The following STAB2 variants were observed in gnomAD, a reference collection of about 807,000 sequenced individuals.
The protein encoded by STAB2 is stabilin-2.
In STAB2, 288 loss-of-function variants were observed where a neutral mutation model predicts 338.1. The ratio of observed to expected loss-of-function variants is 0.85; its 90% CI spans 0.77 to 0.94. The LOEUF is 0.94. Among genes scored for constraint, STAB2 ranks in the 40% least tolerant of loss-of-function variants. STAB2 has a pLI of 0.00. For missense variants in STAB2, 3,141 were observed against 3,210.1 expected (o/e 0.98, Z 0.52); for synonymous variants, 1,202 against 1,193.3 (o/e 1.01, Z -0.15).
chr12:103,654,486 C>T (rs1444435192), intron 12 of STAB2, 69 bp from the exon 13 acceptor site: 1 of 1,494,154 alleles, frequency 6.7e-7, no homozygotes, highest in East Asian at 2.4e-5. Context: ...AGACTTCTGA[C>T]TCTACTCCAG....
At chr12:103,667,721 T>TA (rs1295058441) in intron 19 of STAB2, among the ~76,000 whole-genome samples, 3 of 152,192 alleles carry the variant, frequency 2.0e-5, no homozygotes, top group African/African-American at 7.2e-5. Context: ...ATTTTAGGAT[T>TA]TTATAGCCTA....
chr12:103,743,749 G>A (rs1882776642), intron 56 of STAB2, among the ~76,000 whole-genome samples: 1 of 152,186 alleles, frequency 6.6e-6, no homozygotes, highest in African/African-American at 2.4e-5. Flanking sequence ...CTTTCCTCCA[G>A]GTGAGATGAG....
chr12:103,694,329 A>C (rs756966458), intron 31 of STAB2, among the ~76,000 whole-genome samples: 1 of 152,120 alleles, frequency 6.6e-6, no homozygotes, highest in Admixed American at 6.5e-5. Flanking sequence ...CCTTCTCCTC[A>C]TAGCTCTTGA....
chr12:103,762,170 A>T (rs1427362654), intron 66 of STAB2, 104 bp from the exon 67 acceptor site: 1 of 1,497,700 alleles, frequency 6.7e-7, no homozygotes, highest in East Asian at 2.3e-5. Flanking sequence ...ACATGTCAGT[A>T]TTTTTATCCC....
chr12:103,766,612 A>T lies in STAB2; in HGVS notation c.*276A>T, dbSNP rs1884983678. On this transcript the variant is annotated 3_prime_UTR_variant, in exon 69 of 69. Coordinates refer to ENST00000388887, the MANE Select transcript of STAB2 (RefSeq NM_017564.10). ...CTGCCCTACATGATGGGTAACTGTG[A>T]TCTTTCTTCCCTGTTAGATTGTAAG... 1 of 401,256 alleles carries T rather than the reference A, an allele frequency of 2.5e-6. No homozygotes were observed. The highest frequency in any genetic ancestry group is 4.6e-5 in the East Asian group (1 of 21,882). The allele number at this position is 401,256 out of a possible 1,614,324, so 24.9% of individuals were successfully genotyped here.
rs189837972 is a variant in STAB2, at chr12:103,630,630, G to A, written c.488-968G>A. ...AATGTAATCACAAGAGTTGTTATAA[G>A]TGGATGAGAAAGACAGAAGAGAGAA... On this transcript the variant is annotated intron_variant, in intron 5 of 68. Coordinates refer to ENST00000388887, the MANE Select transcript of STAB2 (RefSeq NM_017564.10). Among the ~76,000 whole-genome samples, 343 of 152,342 alleles carry A rather than the reference G, an allele frequency of 2.3e-3. 1 individual carries two copies. Among genetic ancestry groups the A allele is most frequent in the Middle Eastern group, 0.014 (4 of 294 alleles).
chr12:103,604,783 T>C (rs1957003027), intron 3 of STAB2, among the ~76,000 whole-genome samples: 1 of 151,724 alleles, frequency 6.6e-6, no homozygotes, highest in South Asian at 2.1e-4. Flanking sequence ...ATCCATTTCA[T>C]TCACCAGCTT....
intron 43 of STAB2, among the ~76,000 whole-genome samples, chr12:103,717,371 C>G (rs948946790): frequency 2.6e-5 from 4 of 152,202 alleles, no homozygotes; most frequent in Non-Finnish European, 4.4e-5. Flanking sequence ...TGGTGCCTTT[C>G]AGCTCAGCAT....
chr12:103,727,373 A>G lies in STAB2; in HGVS notation c.4935+23A>G, dbSNP rs763504371. The G allele has an allele frequency of 1.4e-5, 23 of 1,613,522 alleles. No homozygotes were observed. In the African/African-American group the frequency reaches 2.9e-4, roughly 21 times the overall value. ...CGGGTGAGCATGAGACTGTGGGCAG[A>G]AGGGGGAGGTCTGCGGCTGGAACAT... On this transcript the variant is annotated intron_variant, in intron 47 of 68. Coordinates refer to ENST00000388887, the MANE Select transcript of STAB2 (RefSeq NM_017564.10).
chr12:103,700,995 C>A (rs1179908214), intron 34 of STAB2, among the ~76,000 whole-genome samples: 2 of 141,760 alleles, frequency 1.4e-5, no homozygotes, highest in Non-Finnish European at 3.1e-5. Flanking sequence ...ATCCCTCCCC[C>A]CTCCCCCCTG....
At chr12:103,621,709 C>T (rs117130272) in intron 4 of STAB2, among the ~76,000 whole-genome samples, 8 of 152,270 alleles carry the variant, frequency 5.3e-5, no homozygotes, top group Admixed American at 3.3e-4. Flanking sequence ...GGTGACGGAG[C>T]GAGACTCAGT....
intron 1 of STAB2, among the ~76,000 whole-genome samples, chr12:103,589,314 A>G (rs908351314): frequency 6.6e-6 from 1 of 152,184 alleles, no homozygotes; most frequent in African/African-American, 2.4e-5. Context: ...ATCCTGCCCA[A>G]GAAGAAGCCT....
intron 27 of STAB2, among the ~76,000 whole-genome samples, chr12:103,685,459 T>TGTGTGTGTGTGTGTGTGTGC (rs746468070): frequency 1.5e-5 from 2 of 135,540 alleles, no homozygotes; most frequent in Non-Finnish European, 3.3e-5. Context: ...TGTGTGCGCG[T>TGTGTGTGTGTGTGTGTGTGC]GCGTGTGTGT....
In STAB2 at chr12:103,764,752, A is replaced by AAATC. The variant is rs1884793897; in HGVS notation, c.7605+1146_7605+1149dup. 3.3e-5 allele frequency among the ~76,000 whole-genome samples: 5 copies of AAATC among 152,136 alleles called. No individual in the cohort carries two copies. In the South Asian group the frequency reaches 1.0e-3, roughly 31 times the overall value. On this transcript the variant is annotated intron_variant, in intron 68 of 68. Transcript: ENST00000388887. Reference sequence around the variant, plus strand: ...ATAGACTGAAAAATAACCAGATTGCAAATCATATTTTTTTAATCAAACCCA... The same window carrying AAATC: ...ATAGACTGAAAAATAACCAGATTGCAAATCAATCATATTTTTTTAATCAAACCCA...
chr12:103,685,117 A>G, intron 27 of STAB2, 33 bp downstream of exon 27: 3 of 1,595,126 alleles, frequency 1.9e-6, no homozygotes, highest in Non-Finnish European at 2.6e-6. Context: ...AATAATATAG[A>G]CAAAACCCTT....
At position 103,652,075 on chromosome 12, in the gene STAB2, A is replaced by T. The variant is rs141794587; in HGVS notation, c.1258-481A>T. ...TCTGTTCAGTGTTGACTACGTAGTA[A>T]TGACAAAAGTAGATTTGATCCCATG... On this transcript the variant is annotated intron_variant, in intron 11 of 68. Transcript: ENST00000388887. Among the ~76,000 whole-genome samples, 1,014 of 152,370 alleles carry T rather than the reference A, an allele frequency of 6.7e-3. 10 individuals are homozygous for T. Among genetic ancestry groups the T allele is most frequent in the African/African-American group, 0.023 (966 of 41,590 alleles).
intron 3 of STAB2, 38 bp downstream of exon 3, chr12:103,594,548 T>G: frequency 6.8e-7 from 1 of 1,476,506 alleles, no homozygotes; most frequent in South Asian, 1.1e-5. Context: ...GACTTGCTTC[T>G]TGGTATCTCA....
In STAB2 at chr12:103,590,960, A is replaced by C; in HGVS notation, c.145A>C (p.Asn49His). Residue 49 changes from asparagine (N) to histidine (H), a missense_variant, in exon 2 of 69, where the codon AAC (asparagine) becomes CAC (histidine). By Grantham distance (68) the Asn-to-His change is moderately conservative. Coordinates refer to ENST00000388887, the MANE Select transcript of STAB2 (RefSeq NM_017564.10). ...IRTECRSCAL[N>H]LGVKCPDGYT... ...GACCGAGTGCCGATCCTGCGCTCTC[A>C]ACCTTGGAGTCAAGTGCCCGGATGG... is the stretch of plus-strand genomic sequence containing the variant. The C allele has an allele frequency of 6.2e-7, 1 of 1,614,116 alleles. No homozygotes were observed. Among genetic ancestry groups the C allele is most frequent in the Non-Finnish European group, 8.5e-7 (1 of 1,180,016 alleles).
intron 45 of STAB2, 51 bp from the exon 46 acceptor site, chr12:103,726,065 G>T (rs774783660): frequency 1.2e-6 from 2 of 1,605,106 alleles, no homozygotes; most frequent in Non-Finnish European, 1.7e-6. Context: ...ACCCTGTATT[G>T]TTCTAATATA....
Sources: gnomAD v4.1 joint callset for allele counts (sites outside exome capture counted in the v4.1 genomes callset) on GRCh38, gnomAD v4.1.1 for gene constraint, MANE v1.5 for transcripts, NCBI Gene and HGNC (gene_info 2026-07-23, HGNC 2026-07-21) for gene names.